The following ZNF407 variants were observed in gnomAD, a reference collection of about 807,000 sequenced individuals.
ZNF407 encodes the protein zinc finger protein 407.
ZNF407 carries 17 observed loss-of-function variants against 131.2 expected under a neutral mutation model. The observed-to-expected ratio is 0.13, with a 90% confidence interval of 0.09 to 0.19. ZNF407 has a LOEUF of 0.19. Ranked by LOEUF, ZNF407 falls within the 10% of genes least tolerant of loss-of-function variation. The probability of loss-of-function intolerance (pLI) is 1.00; values close to 1 mark genes in which losing one functional copy is unlikely to be tolerated. For synonymous variants in ZNF407, 1,156 were observed against 1,062.0 expected, an observed-to-expected ratio of 1.09 and a Z score of -1.72; for missense variants, 2,681 against 2,830.6, an observed-to-expected ratio of 0.95 and a Z score of 1.20.
At chr18:74,890,176 T>C (rs1971364924) in intron 7 of ZNF407, 138 bp downstream of exon 7, 3 of 1,025,650 alleles carry the variant, frequency 2.9e-6, no homozygotes, top group Non-Finnish European at 3.9e-6. Context: ...TACCTAATTT[T>C]AGTGACTTTT....
At chr18:74,996,605 G>T (rs1481449454) in intron 8 of ZNF407, among the ~76,000 whole-genome samples, 1 of 152,194 alleles carries the variant, frequency 6.6e-6, no homozygotes, top group Non-Finnish European at 1.5e-5. Context: ...CTTCGAATAT[G>T]GGATGTAGAA....
At position 74,851,950 on chromosome 18, in the gene ZNF407, G is replaced by A. The variant is rs1227277040; in HGVS notation, c.4878-25247G>A. ...GAATGTGCAACTCTGATTATGGAGAGGGTGCTCCTTAAGAGACATCAGAGC... is the reference window on the plus strand; with the variant it reads ...GAATGTGCAACTCTGATTATGGAGAAGGTGCTCCTTAAGAGACATCAGAGC... On this transcript the variant is annotated intron_variant, in intron 4 of 8. Transcript: ENST00000299687. Among the ~76,000 whole-genome samples, 3 of 152,200 alleles carry A rather than the reference G, an allele frequency of 2.0e-5. No homozygotes were observed. The South Asian group carries it at 6.2e-4, about 31-fold the overall frequency.
chr18:74,662,457 A>T (rs1985756431), intron 3 of ZNF407, among the ~76,000 whole-genome samples: 1 of 152,374 alleles, frequency 6.6e-6, no homozygotes. Context: ...CTTTAAAAAT[A>T]CAACATTAGG....
chr18:75,026,842 C>A (rs1042893583), intron 8 of ZNF407, among the ~76,000 whole-genome samples: 1 of 152,298 alleles, frequency 6.6e-6, no homozygotes, highest in East Asian at 1.9e-4. Context: ...CAGCCCTGAT[C>A]AAGTTGAGCT....
intron 4 of ZNF407, among the ~76,000 whole-genome samples, chr18:74,841,904 C>A (rs1433262597): frequency 6.6e-6 from 1 of 152,148 alleles, no homozygotes; most frequent in Non-Finnish European, 1.5e-5. Context: ...TACGTTTGTA[C>A]CTTATTACTA....
chr18:74,876,504 A>G (rs1227319711), intron 4 of ZNF407, among the ~76,000 whole-genome samples: 4 of 152,204 alleles, frequency 2.6e-5, no homozygotes, highest in African/African-American at 9.7e-5. Flanking sequence ...AGGTATTGAA[A>G]GGTCTTAAAT....
intron 3 of ZNF407, among the ~76,000 whole-genome samples, chr18:74,676,505 C>G (rs568106033): frequency 6.7e-6 from 1 of 149,534 alleles, no homozygotes; most frequent in Non-Finnish European, 1.5e-5. Context: ...GGCGGGATCT[C>G]GGCTCACTGC....
At chr18:74,864,752 T>C (rs1970987051) in intron 4 of ZNF407, among the ~76,000 whole-genome samples, 1 of 152,184 alleles carries the variant, frequency 6.6e-6, no homozygotes, top group African/African-American at 2.4e-5. Context: ...GAGGCAGTGT[T>C]GTATCAACTT....
At chr18:74,843,373 T>G (rs777525491) in intron 4 of ZNF407, among the ~76,000 whole-genome samples, 16 of 152,188 alleles carry the variant, frequency 1.1e-4, no homozygotes, top group Non-Finnish European at 1.5e-4. Flanking sequence ...AATGAAAAAT[T>G]GCATAGTTTT....
chr18:74,974,217 C>T (rs1309192186), intron 8 of ZNF407, among the ~76,000 whole-genome samples: 3 of 152,166 alleles, frequency 2.0e-5, no homozygotes, highest in Non-Finnish European at 2.9e-5. Flanking sequence ...TTGGTCCTGT[C>T]GTATTAAACA....
intron 5 of ZNF407, among the ~76,000 whole-genome samples, chr18:74,880,435 A>G (rs1971221572): frequency 1.3e-5 from 2 of 152,364 alleles, no homozygotes; most frequent in East Asian, 1.9e-4. Flanking sequence ...TTATGCCATG[A>G]AAGCGAGAAA....
chr18:74,819,783 C>T (rs1318489460), intron 4 of ZNF407, among the ~76,000 whole-genome samples: 2 of 152,180 alleles, frequency 1.3e-5, no homozygotes, highest in Non-Finnish European at 2.9e-5. Flanking sequence ...CCTGCTGTCC[C>T]CAACCTGATG....
chr18:74,795,758 A>C (rs937724587), intron 4 of ZNF407, among the ~76,000 whole-genome samples: 4 of 152,250 alleles, frequency 2.6e-5, no homozygotes, highest in African/African-American at 9.6e-5. Flanking sequence ...TTGAAAGCTG[A>C]AAGTGACTTG....
At chr18:74,678,434 C>G (rs894308155) in intron 3 of ZNF407, among the ~76,000 whole-genome samples, 1 of 152,172 alleles carries the variant, frequency 6.6e-6, no homozygotes, top group Non-Finnish European at 1.5e-5. Context: ...CATTGGCCTG[C>G]CTGCAACCCC....
chr18:74,614,205 A>G (rs1200691819), intron 1 of ZNF407, among the ~76,000 whole-genome samples: 2 of 152,262 alleles, frequency 1.3e-5, no homozygotes, highest in African/African-American at 2.4e-5. Flanking sequence ...AAAGAAAAGT[A>G]AGTAGAAATT....
chr18:75,043,713 A>T (rs1171284762), intron 8 of ZNF407, among the ~76,000 whole-genome samples: 2 of 152,220 alleles, frequency 1.3e-5, no homozygotes, highest in African/African-American at 4.8e-5. Context: ...CAGCCATATC[A>T]GCTTTCCGTC....
chr18:74,767,712 G>C (rs1969270524), intron 3 of ZNF407, among the ~76,000 whole-genome samples: 1 of 145,854 alleles, frequency 6.9e-6, no homozygotes, highest in East Asian at 2.0e-4. Context: ...GGAATGCAGT[G>C]GTGCGATTTC....
At chr18:74,766,009 CTGTGTGTGTGTGTGTGTGTG>C (rs58103313) in intron 3 of ZNF407, among the ~76,000 whole-genome samples, 131,322 of 148,164 alleles carry the variant, frequency 0.89, 59,079 homozygotes, top group Non-Finnish European at 0.96. Context: ...GCATATTACT[CTGTGTGTGTGTGTGTGTGTG>C]TGTGTGTGTG....
At chr18:74,715,995 G>A (rs1967885246) in intron 3 of ZNF407, among the ~76,000 whole-genome samples, 1 of 152,166 alleles carries the variant, frequency 6.6e-6, no homozygotes, top group Non-Finnish European at 1.5e-5. Flanking sequence ...TCCGTAAGAA[G>A]CCAGTGAACC....
Sources: gnomAD v4.1 joint callset for allele counts (sites outside exome capture counted in the v4.1 genomes callset) on GRCh38, gnomAD v4.1.1 for gene constraint, MANE v1.5 for transcripts, NCBI Gene and HGNC (gene_info 2026-07-23, HGNC 2026-07-21) for gene names.